The following ZNF831 variants were observed in gnomAD, a reference collection of about 807,000 sequenced individuals.
The protein encoded by ZNF831 is chromosome 20 open reading frame 174.
A neutral mutation model predicts 95.8 loss-of-function variants in ZNF831; 59 were observed. The observed-to-expected ratio is 0.62, with a 90% confidence interval of 0.50 to 0.77. ZNF831 has a LOEUF of 0.77. Ranked by LOEUF, ZNF831 falls within the 30% of genes least tolerant of loss-of-function variation. The pLI is 0.00. For synonymous variants in ZNF831, 961 were observed against 925.5 expected (o/e 1.04, Z -0.70); for missense variants, 2,205 against 2,164.0 (o/e 1.02, Z -0.38).
intron 4 of ZNF831, among the ~76,000 whole-genome samples, chr20:59,242,765 A>T (rs990250396): frequency 6.6e-6 from 1 of 152,180 alleles, no homozygotes; most frequent in Non-Finnish European, 1.5e-5. Flanking sequence ...TGCTCTTTCG[A>T]TGAGTCCTTC....
chr20:59,259,067 A>G lies in ZNF831; in HGVS notation c.*4324A>G, dbSNP rs947824265. The G allele has an allele frequency of 2.0e-5, 3 of 151,740 alleles. No individual in the cohort carries two copies. The highest frequency in any genetic ancestry group is 7.3e-5 in the African/African-American group (3 of 41,000). 9.4% of individuals were successfully genotyped at this position (151,740 alleles called of 1,614,324 possible). A position where few individuals can be genotyped will look rare whatever the true frequency, so the allele number is the denominator to read the frequency against. The stretch of plus-strand genomic sequence containing the variant: ...TGTTTGTTGAACTTTCTTTCTTTAT[A>G]TGGTTAAATTATTTTGTTTTGATAA... On this transcript the variant is annotated 3_prime_UTR_variant, in exon 6 of 6. Coordinates refer to ENST00000371030, the MANE Select transcript of ZNF831 (RefSeq NM_178457.3).
Position 59,222,038 on chromosome 20 carries a change from T to C in ZNF831, c.4027+14982T>C, listed in dbSNP as rs868064054. Among the ~76,000 whole-genome samples the C allele has an allele frequency of 2.0e-5, 3 of 152,222 alleles. No homozygotes were observed. The East Asian group carries it at 5.8e-4, about 29-fold the overall frequency. On this transcript the variant is annotated intron_variant, in intron 4 of 5. Transcript: ENST00000371030. Reference sequence around the variant, plus strand: ...ACTCAGTGCATTGGAGTCTGAATCATAGTTAATGTGCGACGCCCCCTCCCT... The same window carrying C: ...ACTCAGTGCATTGGAGTCTGAATCACAGTTAATGTGCGACGCCCCCTCCCT...
At chr20:59,184,843 ACTT>A (rs769341203) in intron 1 of ZNF831, among the ~76,000 whole-genome samples, 1 of 152,106 alleles carries the variant, frequency 6.6e-6, no homozygotes, top group Admixed American at 6.6e-5. Flanking sequence ...GGAAATTGTC[ACTT>A]CTTCTCTTCA....
intron 3 of ZNF831, among the ~76,000 whole-genome samples, chr20:59,199,097 A>G (rs1370300133): frequency 8.9e-6 from 1 of 112,034 alleles, no homozygotes; most frequent in Non-Finnish European, 1.6e-5. Flanking sequence ...CTATCTATCT[A>G]TCTATCTATC....
chr20:59,246,755 T>A (rs904888158), intron 4 of ZNF831, among the ~76,000 whole-genome samples: 1 of 152,194 alleles, frequency 6.6e-6, no homozygotes, highest in African/African-American at 2.4e-5. Context: ...AAGTAAAAGA[T>A]TAGTTTATGA....
rs1307337180 is a variant in ZNF831 at position 59,257,405 on chromosome 20, GA to G, written c.*2663del. On this transcript the variant is annotated 3_prime_UTR_variant, in exon 6 of 6. Transcript: ENST00000371030. ...CTCTTTAAAAGCATCCTAAGGTAAA[GA>G]TTTTTTTTAAATGAAGAATCTTTTT... 1 of 152,126 alleles carries G rather than the reference GA, an allele frequency of 6.6e-6. No individual in the cohort carries two copies. The highest frequency in any genetic ancestry group is 1.5e-5 in the Non-Finnish European group (1 of 67,996). The allele number at this position is 152,126 out of a possible 1,614,324, so 9.4% of individuals were successfully genotyped here.
intron 1 of ZNF831, among the ~76,000 whole-genome samples, chr20:59,190,761 G>A (rs1053011569): frequency 6.6e-5 from 10 of 152,200 alleles, no homozygotes; most frequent in Admixed American, 2.0e-4. Flanking sequence ...TCCAAATCCC[G>A]CTTTGCCACA....
intron 3 of ZNF831, among the ~76,000 whole-genome samples, chr20:59,199,805 T>C (rs4603838): frequency 0.074 from 11,326 of 152,218 alleles, 680 homozygotes; most frequent in East Asian, 0.28. Flanking sequence ...TAATTGCCCA[T>C]CTCTTGTCTT....
At chr20:59,234,783 T>C (rs259975) in intron 4 of ZNF831, among the ~76,000 whole-genome samples, 78,612 of 152,078 alleles carry the variant, frequency 0.52, 20,850 homozygotes, top group East Asian at 0.86. Context: ...CTTTTAATTT[T>C]ATAACAGTTT....
chr20:59,193,549 C>A lies in ZNF831; in HGVS notation c.2530C>A (p.Pro844Thr), dbSNP rs2146585283. 3.7e-6 allele frequency: 6 copies of A among 1,605,236 alleles called. No homozygotes were observed. The highest frequency in any genetic ancestry group is 5.1e-6 in the Non-Finnish European group (6 of 1,175,954). The part of the protein sequence containing the change: ...KQPEPVSAET[P>T]GGPTQPASLS... Reference sequence around the variant, plus strand: ...ACCAGAGCCTGTGAGCGCAGAGACCCCAGGTGGGCCCACGCAGCCTGCCTC... The same window carrying A: ...ACCAGAGCCTGTGAGCGCAGAGACCACAGGTGGGCCCACGCAGCCTGCCTC... The change falls in exon 2 of 6, where the codon CCA becomes ACA. Residue 844 changes from proline (P) to threonine (T), a missense_variant. Physicochemically the swap from Pro to Thr is conservative, Grantham distance 38 (BLOSUM62 -1). Coordinates refer to ENST00000371030, the MANE Select transcript of ZNF831 (RefSeq NM_178457.3).
At chr20:59,185,976 C>A (rs1418774430) in intron 1 of ZNF831, among the ~76,000 whole-genome samples, 1 of 152,222 alleles carries the variant, frequency 6.6e-6, no homozygotes, top group Non-Finnish European at 1.5e-5. Context: ...GCAGGCAGTG[C>A]TTCTGTGTCT....
intron 1 of ZNF831, among the ~76,000 whole-genome samples, chr20:59,186,321 A>G (rs1022545306): frequency 1.3e-5 from 2 of 152,190 alleles, no homozygotes; most frequent in South Asian, 4.1e-4. Context: ...GAGGCGATGC[A>G]TGGAGACTGC....
At chr20:59,250,574 T>A (rs1987833749) in intron 4 of ZNF831, among the ~76,000 whole-genome samples, 1 of 151,586 alleles carries the variant, frequency 6.6e-6, no homozygotes, top group Non-Finnish European at 1.5e-5. Context: ...AAGAGAGAAA[T>A]AAAAACAAAC....
In ZNF831 at chr20:59,191,710, G is replaced by GAGAGCAGGTGCC. The variant is rs754634168; in HGVS notation, c.694_705dup (p.Ser232_Gln235dup). 16 of 1,573,480 alleles carry GAGAGCAGGTGCC rather than the reference G, an allele frequency of 1.0e-5. No homozygotes were observed. The highest frequency in any genetic ancestry group is 1.3e-5 in the Non-Finnish European group (15 of 1,159,012). ...GCCCCCCAGACCAGAGGGCAGGGGC[G>GAGAGCAGGTGCC]AGAGCAGGTGCCAGGGGATGCACGA... On this transcript the variant is annotated inframe_insertion, in exon 2 of 6. Transcript: ENST00000371030.
chr20:59,133,917 G>A (rs141692193), intron 1 of ZNF831, among the ~76,000 whole-genome samples: 69 of 152,346 alleles, frequency 4.5e-4, no homozygotes, highest in African/African-American at 1.6e-3. Flanking sequence ...CAGGTCACTG[G>A]TCAGCAGTGC....
intron 4 of ZNF831, among the ~76,000 whole-genome samples, chr20:59,241,028 G>C (rs1438091423): frequency 6.6e-6 from 1 of 151,920 alleles, no homozygotes; most frequent in Non-Finnish European, 1.5e-5. Context: ...GATAGTTTCT[G>C]AGGTAAAAAA....
chr20:59,156,474 C>A (rs1280706765), intron 2 of ZNF831, among the ~76,000 whole-genome samples: 1 of 151,892 alleles, frequency 6.6e-6, no homozygotes, highest in African/African-American at 2.4e-5. Context: ...TGCAGTAAGC[C>A]GAGATTGCAC....
rs1416946078 is a variant in ZNF831, at chr20:59,208,190, C to T, written c.4027+1134C>T. Reference sequence around the variant, plus strand: ...CAGGGGGTTGGGTAGGTGGAAATTCCATCAAGAAGCTGGCTCTGAGCTCTC... The same window carrying T: ...CAGGGGGTTGGGTAGGTGGAAATTCTATCAAGAAGCTGGCTCTGAGCTCTC... On this transcript the variant is annotated intron_variant, in intron 4 of 5. Transcript: ENST00000371030. This position sits in a 1 kb window ranked among gnomAD's most constrained non-coding sequence, Gnocchi z 4.2. Among the ~76,000 whole-genome samples, 1 of 152,216 alleles carries T rather than the reference C, an allele frequency of 6.6e-6. No homozygotes were observed. The highest frequency in any genetic ancestry group is 1.5e-5 in the Non-Finnish European group (1 of 68,036).
intron 1 of ZNF831, among the ~76,000 whole-genome samples, chr20:59,141,579 G>A (rs1731943509): frequency 6.6e-6 from 1 of 152,192 alleles, no homozygotes; most frequent in South Asian, 2.1e-4. Context: ...TGATTTAGGT[G>A]TTTTTCTCCA....
Sources: gnomAD v4.1 joint callset for allele counts (sites outside exome capture counted in the v4.1 genomes callset) on GRCh38, gnomAD v4.1.1 for gene constraint, Gnocchi (gnomAD v3.1) non-coding constraint, MANE v1.5 for transcripts, NCBI Gene and HGNC (gene_info 2026-07-23, HGNC 2026-07-21) for gene names.